MEG3: variants seen among roughly 807,000 people sequenced by gnomAD.
MEG3 encodes the protein Very putative protein from MEG3 locus.
In MEG3 at chr14:100,845,514, C is replaced by T. The variant is rs1250169786; in HGVS notation, n.3102C>T. 1.1e-5 allele frequency: 5 copies of T among 456,770 alleles called. No homozygotes were observed. In the Admixed American group the frequency reaches 1.2e-4, roughly 11 times the overall value. The allele number at this position is 456,770 out of a possible 1,614,324, so 28.3% of individuals were successfully genotyped here. A position where few individuals can be genotyped will look rare whatever the true frequency, so the allele number is the denominator to read the frequency against. On this transcript the variant is annotated non_coding_transcript_exon_variant, in exon 3 of 4. Transcript: ENST00000398461. This position sits in a 1 kb window ranked among gnomAD's most constrained non-coding sequence, Gnocchi z 5.2. Reference sequence around the variant, plus strand: ...AGGGACCTCGAATGTGGGACCCCAGCCCCTCTCCAGCTCGAAATCGTAAGT... The same window carrying T: ...AGGGACCTCGAATGTGGGACCCCAGTCCCTCTCCAGCTCGAAATCGTAAGT...
chr14:100,846,159 A>T (rs1239356914), intron 3 of MEG3: 1 of 152,244 alleles, frequency 6.6e-6, no homozygotes, highest in Admixed American at 6.5e-5. Context: ...TTATATTGCC[A>T]CAGACAAAGC....
At chr14:100,827,068 G>A (rs753082417) in intron 1 of MEG3, among the ~76,000 whole-genome samples, 1 of 152,072 alleles carries the variant, frequency 6.6e-6, no homozygotes, top group Non-Finnish European at 1.5e-5. Context: ...GGGTCTGGAC[G>A]CTGGGAGCTG....
At chr14:100,827,691 G>A (rs1323984581) in intron 1 of MEG3, among the ~76,000 whole-genome samples, 2 of 152,196 alleles carry the variant, frequency 1.3e-5, no homozygotes, top group African/African-American at 4.8e-5. Flanking sequence ...GACTTTGGAG[G>A]CGTGATGTTG....
At chr14:100,860,485 G>C (rs1003714346) in intron 1 of MEG3, 2 of 372,890 alleles carry the variant, frequency 5.4e-6, no homozygotes, top group Non-Finnish European at 1.1e-5. Context: ...GGTAGGGCAG[G>C]GTACGCCAGA....
rs1370596844 is a variant in MEG3 at position 100,837,672 on chromosome 14, C to G, written n.3045+1372C>G. Among the ~76,000 whole-genome samples, 1 of 152,040 alleles carries G rather than the reference C, an allele frequency of 6.6e-6. No homozygotes were observed. Among genetic ancestry groups the G allele is most frequent in the Non-Finnish European group, 1.5e-5 (1 of 68,014 alleles). On this transcript the variant is annotated intron_variant and non_coding_transcript_variant, in intron 2 of 3. Coordinates refer to the MEG3 transcript ENST00000398461. This position sits in a 1 kb window ranked among gnomAD's most constrained non-coding sequence, Gnocchi z 5.8. ...GCAGGCCTCCGCCCTCCGCCACCCC[C>G]CACCCCCGGAGTGTCTCTGGTTTCC...
chr14:100,853,662 A>C (rs1464395560), upstream of MEG3: 5 of 151,696 alleles, frequency 3.3e-5, no homozygotes, highest in Non-Finnish European at 7.4e-5. Flanking sequence ...TCATAACCTC[A>C]CTTGCTGCGT....
chr14:100,838,783 T>C (rs10145648), intron 2 of MEG3, among the ~76,000 whole-genome samples: 40,275 of 151,566 alleles, frequency 0.27, 5,509 homozygotes, highest in Admixed American at 0.33. Flanking sequence ...CCCTGGGTGG[T>C]TGGGAAAGGA....
intron 2 of MEG3, among the ~76,000 whole-genome samples, chr14:100,844,197 T>C (rs1387112744): frequency 3.9e-5 from 6 of 152,110 alleles, no homozygotes; most frequent in Non-Finnish European, 7.4e-5. Context: ...GGCCTTTCTG[T>C]TTCCTGGGTG....
intron 1 of MEG3, among the ~76,000 whole-genome samples, chr14:100,827,927 G>C (rs926210070): frequency 1.3e-5 from 2 of 152,234 alleles, no homozygotes; most frequent in African/African-American, 4.8e-5. Context: ...CGCTCCAGAG[G>C]GGCCTGGCGC....
At chr14:100,842,053 A>C (rs940620035) in intron 2 of MEG3, among the ~76,000 whole-genome samples, 2 of 152,210 alleles carry the variant, frequency 1.3e-5, no homozygotes, top group Non-Finnish European at 2.9e-5. Flanking sequence ...ATTCCCAGCT[A>C]TCTCTGTGTG....
At chr14:100,851,236 T>A (rs2038064390) in intron 3 of MEG3, 1 of 152,240 alleles carries the variant, frequency 6.6e-6, no homozygotes, top group Non-Finnish European at 1.5e-5. Context: ...CCGCAGAAGG[T>A]TGCATGAACG....
rs557160333 is a variant in MEG3, at chr14:100,844,205, G to C, written n.3046-1253G>C. Among the ~76,000 whole-genome samples the C allele has an allele frequency of 4.6e-5, 7 of 152,180 alleles. No individual in the cohort carries two copies. In the South Asian group the frequency reaches 8.3e-4, roughly 18 times the overall value. On this transcript the variant is annotated intron_variant and non_coding_transcript_variant, in intron 2 of 3. Transcript: ENST00000398461. ...CTCTCATGGCCTTTCTGTTTCCTGG[G>C]TGGCTTTGTGGGGGTGTCCCATGGT...
At chr14:100,850,841 G>A in intron 3 of MEG3, 1 of 152,250 alleles carries the variant, frequency 6.6e-6, no homozygotes, top group Admixed American at 6.5e-5. Flanking sequence ...ATGGATGAAC[G>A]AATGACTGGA....
At chr14:100,833,925 T>G (rs2037473206), downstream of MEG3, 1 of 152,226 alleles carries the variant, frequency 6.6e-6, no homozygotes, top group Non-Finnish European at 1.5e-5. Flanking sequence ...TCTGGCTTCG[T>G]GAATTAGAAT....
At chr14:100,852,045 T>A (rs2038095866) in intron 3 of MEG3, 1 of 280,528 alleles carries the variant, frequency 3.6e-6, no homozygotes, top group South Asian at 3.1e-5. Flanking sequence ...GAGCACAGCT[T>A]GGATGGACTC....
intron 1 of MEG3, chr14:100,860,660 TG>T (rs1363400020): frequency 4.4e-6 from 2 of 456,656 alleles, no homozygotes; most frequent in South Asian, 1.5e-5. Context: ...CGGGAGCAGG[TG>T]GCCTTCATCT....
intron 1 of MEG3, chr14:100,860,663 C>T (rs1000516838): frequency 2.2e-6 from 1 of 456,526 alleles, no homozygotes; most frequent in Non-Finnish European, 4.4e-6. Flanking sequence ...GAGCAGGTGG[C>T]CTTCATCTGC....
upstream of MEG3, chr14:100,854,289 A>G (rs1316827056): frequency 6.6e-6 from 1 of 152,150 alleles, no homozygotes; most frequent in Non-Finnish European, 1.5e-5. Flanking sequence ...AACAAATTGT[A>G]TTTTATCTTC....
upstream of MEG3, chr14:100,852,553 A>G (rs1434969981): frequency 2.4e-6 from 1 of 409,450 alleles, no homozygotes; most frequent in African/African-American, 2.1e-5. Flanking sequence ...GGGTGCACTT[A>G]TTATCCCTGG....
Sources: allele counts gnomAD v4.1 joint callset (sites outside exome capture counted in the v4.1 genomes callset), GRCh38; gene constraint gnomAD v4.1.1; non-coding constraint Gnocchi (gnomAD v3.1); transcripts MANE v1.5; gene names NCBI Gene and HGNC (gene_info 2026-07-23, HGNC 2026-07-21).